Variants in GALNT18 observed in about 807,000 individuals in gnomAD.
GALNT18 encodes GalNAc-transferase 18.
A neutral mutation model predicts 69.5 loss-of-function variants in GALNT18; 44 were observed. That is an observed-to-expected ratio of 0.63 (90% CI 0.50 to 0.81). The LOEUF is 0.81. GALNT18 is among the 40% of genes least tolerant of loss of function. The pLI is 0.00. For synonymous variants in GALNT18, 364 were observed against 318.2 expected, an observed-to-expected ratio of 1.14 and a Z score of -1.53; for missense variants, 715 against 810.0, an observed-to-expected ratio of 0.88 and a Z score of 1.42.
At position 11,523,667 on chromosome 11, in the gene GALNT18, C is replaced by T. The variant is rs1426610698; in HGVS notation, c.236-74731G>A. Among the ~76,000 whole-genome samples the T allele has an allele frequency of 4.0e-5, 6 of 150,704 alleles. No homozygotes were observed. Among genetic ancestry groups the T allele is most frequent in the East Asian group, 1.9e-4 (1 of 5,142 alleles). ...CCGGGAGGAAGAGGTTGCAGTGAGC[C>T]GAGATCGCACCACTGCACTCCAGCC... On this transcript the variant is annotated intron_variant, in intron 1 of 10. Coordinates refer to ENST00000227756, the MANE Select transcript of GALNT18 (RefSeq NM_198516.3). The surrounding 1 kb of genome is among the most constrained non-coding windows in gnomAD (Gnocchi z 4.3).
chr11:11,395,805 C>G (rs78311463), intron 3 of GALNT18, among the ~76,000 whole-genome samples: 5 of 152,080 alleles, frequency 3.3e-5, no homozygotes, highest in Admixed American at 3.3e-4. Flanking sequence ...GAAGATGGCA[C>G]GAAGGATGGA....
At chr11:11,276,775 GTTTT>G (rs970063156) in intron 10 of GALNT18, among the ~76,000 whole-genome samples, 2 of 152,144 alleles carry the variant, frequency 1.3e-5, no homozygotes, top group Non-Finnish European at 2.9e-5. Context: ...TAATCATGTG[GTTTT>G]TGTCACTGGT....
At position 11,315,000 on chromosome 11, in the gene GALNT18, C is replaced by T. The variant is rs1346811706; in HGVS notation, c.1512+12086G>A. On this transcript the variant is annotated intron_variant, in intron 9 of 10. Transcript: ENST00000227756. The surrounding 1 kb of genome is among the most constrained non-coding windows in gnomAD (Gnocchi z 5.2). ...TTTTAAGATTACATCAACTGACATA[C>T]TGAAAGTGTCTAGCAGAGATGGACA... 6.6e-6 allele frequency among the ~76,000 whole-genome samples: 1 copy of T among 151,822 alleles called. No homozygotes were observed. Among genetic ancestry groups the T allele is most frequent in the Admixed American group, 6.6e-5 (1 of 15,246 alleles).
rs1858320464 is a variant in GALNT18, at chr11:11,555,836, C to A, written c.235+65523G>T. On this transcript the variant is annotated intron_variant, in intron 1 of 10. Transcript: ENST00000227756. The surrounding 1 kb of genome is among the most constrained non-coding windows in gnomAD (Gnocchi z 4.7). ...CTCTACCAGACCAAGTGGACTCTGT[C>A]TCAAAGACATGGAATCTTCTCCAAA... Among the ~76,000 whole-genome samples the A allele has an allele frequency of 6.6e-6, 1 of 152,202 alleles. No homozygotes were observed. The highest frequency in any genetic ancestry group is 2.4e-5 in the African/African-American group (1 of 41,458).
intron 2 of GALNT18, among the ~76,000 whole-genome samples, chr11:11,448,466 T>C (rs1194000309): frequency 2.0e-5 from 3 of 152,256 alleles, no homozygotes; most frequent in East Asian, 1.9e-4. Flanking sequence ...TTAACAGGAA[T>C]GTGAGATGAT....
chr11:11,449,013 C>A (rs1005010494), intron 1 of GALNT18, 77 bp from the exon 2 acceptor site: 52 of 1,204,332 alleles, frequency 4.3e-5, no homozygotes, highest in Non-Finnish European at 5.2e-5. Context: ...TTCCCTTCCT[C>A]ACAAACAGCC....
At position 11,326,675 on chromosome 11, in the gene GALNT18, C is replaced by T. The variant is rs1849925543; in HGVS notation, c.1512+411G>A. Among the ~76,000 whole-genome samples, 8 of 152,182 alleles carry T rather than the reference C, an allele frequency of 5.3e-5. No individual in the cohort carries two copies. In the South Asian group the frequency reaches 1.5e-3, roughly 28 times the overall value. On this transcript the variant is annotated intron_variant, in intron 9 of 10. Coordinates refer to ENST00000227756, the MANE Select transcript of GALNT18 (RefSeq NM_198516.3). Reference sequence around the variant, plus strand: ...TCTACTAAAGGGCCGAGCTGAAGACCATGCCATGGTACTCTGAAGGGACTC... The same window carrying T: ...TCTACTAAAGGGCCGAGCTGAAGACTATGCCATGGTACTCTGAAGGGACTC...
intron 1 of GALNT18, among the ~76,000 whole-genome samples, chr11:11,490,229 T>TAACACA (rs1476845503): frequency 0.016 from 1,136 of 69,922 alleles, 7 homozygotes; most frequent in East Asian, 0.029. Context: ...TCTCTCTCTC[T>TAACACA]CTCTAACACA....
At position 11,497,113 on chromosome 11, in the gene GALNT18, G is replaced by C. The variant is rs1014493776; in HGVS notation, c.236-48177C>G. On this transcript the variant is annotated intron_variant, in intron 1 of 10. Transcript: ENST00000227756. This position sits in a 1 kb window ranked among gnomAD's most constrained non-coding sequence, Gnocchi z 4.2. The stretch of plus-strand genomic sequence containing the variant: ...TGCACCTGCTGTTTCTTCAGTATGG[G>C]ATGCTGTGACCCAGGGCCAGACCCT... 3.9e-5 allele frequency among the ~76,000 whole-genome samples: 6 copies of C among 151,906 alleles called. No individual in the cohort carries two copies. The highest frequency in any genetic ancestry group is 7.4e-5 in the Non-Finnish European group (5 of 67,978).
chr11:11,604,480 A>G lies in GALNT18; in HGVS notation c.235+16879T>C. Among the ~76,000 whole-genome samples the G allele has an allele frequency of 6.6e-6, 1 of 152,184 alleles. No individual in the cohort carries two copies. The stretch of plus-strand genomic sequence containing the variant: ...GATCTACATCCAGCCCTAGACACCC[A>G]GGCAGCTTCTGGCAACACCAGTAAG... On this transcript the variant is annotated intron_variant, in intron 1 of 10. Coordinates refer to ENST00000227756, the MANE Select transcript of GALNT18 (RefSeq NM_198516.3). The surrounding 1 kb of genome is among the most constrained non-coding windows in gnomAD (Gnocchi z 5.6).
chr11:11,293,461 TTCTAA>T (rs1849340958), intron 9 of GALNT18, among the ~76,000 whole-genome samples: 3 of 152,050 alleles, frequency 2.0e-5, no homozygotes, highest in African/African-American at 4.8e-5. Context: ...CTGATTTCTG[TTCTAA>T]TCTTTCATTG....
At position 11,583,659 on chromosome 11, in the gene GALNT18, G is replaced by A. The variant is rs774272742; in HGVS notation, c.235+37700C>T. On this transcript the variant is annotated intron_variant, in intron 1 of 10. Coordinates refer to ENST00000227756, the MANE Select transcript of GALNT18 (RefSeq NM_198516.3). The surrounding 1 kb of genome is among the most constrained non-coding windows in gnomAD (Gnocchi z 4.7). ...ATGAGACGCCACTTCTTCAAATGCCGACATTTTGAAGAACACACACCAAGA... is the reference window on the plus strand; with the variant it reads ...ATGAGACGCCACTTCTTCAAATGCCAACATTTTGAAGAACACACACCAAGA... Among the ~76,000 whole-genome samples the A allele has an allele frequency of 2.0e-5, 3 of 152,058 alleles. No individual in the cohort carries two copies. The highest frequency in any genetic ancestry group is 2.9e-5 in the Non-Finnish European group (2 of 68,012).
intron 1 of GALNT18, among the ~76,000 whole-genome samples, chr11:11,451,496 G>T (rs906898956): frequency 6.6e-6 from 1 of 152,186 alleles, no homozygotes; most frequent in Non-Finnish European, 1.5e-5. Context: ...GTATGGGCAC[G>T]AAGGATGACA....
chr11:11,423,958 CTCTT>C (rs1467470005), intron 3 of GALNT18, among the ~76,000 whole-genome samples: 1 of 152,246 alleles, frequency 6.6e-6, no homozygotes, highest in African/African-American at 2.4e-5. Context: ...CTGGTCAGGA[CTCTT>C]TCTATCTAGG....
intron 1 of GALNT18, among the ~76,000 whole-genome samples, chr11:11,466,290 G>A (rs1435606183): frequency 6.6e-6 from 1 of 152,166 alleles, no homozygotes; most frequent in Non-Finnish European, 1.5e-5. Context: ...CCACCTTTAC[G>A]TGAATATTGA....
At chr11:11,422,038 C>CA (rs1278657579) in intron 3 of GALNT18, among the ~76,000 whole-genome samples, 1 of 151,814 alleles carries the variant, frequency 6.6e-6, no homozygotes, top group East Asian at 1.9e-4. Context: ...TCATCTATAT[C>CA]TATATCATCT....
chr11:11,354,904 T>C (rs141648214), intron 6 of GALNT18, among the ~76,000 whole-genome samples: 118 of 152,270 alleles, frequency 7.7e-4, no homozygotes, highest in African/African-American at 2.7e-3. Flanking sequence ...CTGTAATTCA[T>C]CTGTAGCAAT....
intron 2 of GALNT18, among the ~76,000 whole-genome samples, chr11:11,438,153 G>A (rs1029407664): frequency 6.6e-5 from 10 of 152,208 alleles, no homozygotes; most frequent in African/African-American, 2.4e-4. Context: ...CTGTATGCAT[G>A]GGACTAGCTT....
At chr11:11,529,372 C>A (rs960031904) in intron 1 of GALNT18, among the ~76,000 whole-genome samples, 1 of 152,152 alleles carries the variant, frequency 6.6e-6, no homozygotes, top group Non-Finnish European at 1.5e-5. Flanking sequence ...TGAGTGAACC[C>A]CTCCTACCTG....
Sources: gnomAD v4.1 joint callset for allele counts (sites outside exome capture counted in the v4.1 genomes callset) on GRCh38, gnomAD v4.1.1 for gene constraint, Gnocchi (gnomAD v3.1) non-coding constraint, MANE v1.5 for transcripts, NCBI Gene and HGNC (gene_info 2026-07-23, HGNC 2026-07-21) for gene names.